The following ADAMTSL1 variants were observed in gnomAD, a reference collection of about 807,000 sequenced individuals.
The protein encoded by ADAMTSL1 is ADAMTS like 1.
A neutral mutation model predicts 201.8 loss-of-function variants in ADAMTSL1; 126 were observed. The observed-to-expected ratio is 0.62, with a 90% confidence interval of 0.54 to 0.72. The LOEUF (loss-of-function observed/expected upper bound fraction) is 0.72, where lower values mean the gene tolerates loss of function less well. ADAMTSL1 is among the 30% of genes least tolerant of loss of function. The pLI is 0.00. For synonymous variants in ADAMTSL1, 1,121 were observed against 903.4 expected (o/e 1.24, Z -4.32); for missense variants, 2,679 against 2,277.8 (o/e 1.18, Z -3.59).
chr9:18,265,945 G>A (rs913441947), intron 2 of ADAMTSL1, among the ~76,000 whole-genome samples: 3 of 152,066 alleles, frequency 2.0e-5, no homozygotes, highest in Non-Finnish European at 2.9e-5. Flanking sequence ...TGCCAACAGG[G>A]ACATTTACTA....
intron 23 of ADAMTSL1, among the ~76,000 whole-genome samples, chr9:18,864,627 G>A (rs1389943087): frequency 6.6e-6 from 1 of 152,204 alleles, no homozygotes; most frequent in Non-Finnish European, 1.5e-5. Flanking sequence ...TGAAGCCAGA[G>A]ATGCCAGGGC....
chr9:18,728,411 C>G (rs1818026259), intron 15 of ADAMTSL1, among the ~76,000 whole-genome samples: 1 of 152,052 alleles, frequency 6.6e-6, no homozygotes, highest in Non-Finnish European at 1.5e-5. Flanking sequence ...TTAACGTTAA[C>G]TTTCTGCACA....
chr9:18,029,145 C>T (rs1820822659), intron 1 of ADAMTSL1, among the ~76,000 whole-genome samples: 1 of 152,134 alleles, frequency 6.6e-6, no homozygotes, highest in Non-Finnish European at 1.5e-5. Flanking sequence ...TGCTTATCAG[C>T]TTAAGGAGAT....
chr9:18,472,031 C>T (rs938603954), upstream of ADAMTSL1, among the ~76,000 whole-genome samples: 1 of 152,030 alleles, frequency 6.6e-6, no homozygotes, highest in Non-Finnish European at 1.5e-5. Flanking sequence ...CCTATTCTTC[C>T]CTTTGGATCT....
At chr9:18,283,785 G>A (rs1188132112) in intron 2 of ADAMTSL1, among the ~76,000 whole-genome samples, 8 of 149,660 alleles carry the variant, frequency 5.3e-5, no homozygotes, top group Admixed American at 1.3e-4. Context: ...GGTGGCGGGC[G>A]CCTGTAGTCC....
At chr9:18,354,074 T>C (rs905433992) in intron 2 of ADAMTSL1, among the ~76,000 whole-genome samples, 11 of 148,320 alleles carry the variant, frequency 7.4e-5, no homozygotes, top group African/African-American at 2.4e-4. Flanking sequence ...TATATACCTA[T>C]AAATTTTGAT....
intron 23 of ADAMTSL1, among the ~76,000 whole-genome samples, chr9:18,866,904 C>G (rs1293786533): frequency 6.6e-6 from 1 of 152,160 alleles, no homozygotes; most frequent in Non-Finnish European, 1.5e-5. Flanking sequence ...CCTTATCCAC[C>G]TAGGCCAGGA....
chr9:18,086,259 C>T (rs1479160125), intron 1 of ADAMTSL1, among the ~76,000 whole-genome samples: 3 of 152,038 alleles, frequency 2.0e-5, no homozygotes, highest in Admixed American at 6.6e-5. Context: ...GACAGACCTC[C>T]CAGAGACAGG....
At chr9:18,116,678 T>A (rs193179737) in intron 1 of ADAMTSL1, among the ~76,000 whole-genome samples, 1 of 152,286 alleles carries the variant, frequency 6.6e-6, no homozygotes, top group Admixed American at 6.5e-5. Flanking sequence ...TTTATTAAAA[T>A]TTTCTTTTTC....
chr9:18,840,250 A>G (rs1031295034), intron 23 of ADAMTSL1, among the ~76,000 whole-genome samples: 4 of 152,104 alleles, frequency 2.6e-5, no homozygotes, highest in East Asian at 1.9e-4. Context: ...AGCTTTCTAC[A>G]TATGGCTAGC....
intron 2 of ADAMTSL1, among the ~76,000 whole-genome samples, chr9:18,359,171 T>G (rs1437116653): frequency 6.6e-6 from 1 of 152,176 alleles, no homozygotes; most frequent in Non-Finnish European, 1.5e-5. Flanking sequence ...GAAGTGACTT[T>G]TTTAGTACAA....
chr9:18,519,233 C>T (rs750633866), intron 2 of ADAMTSL1, among the ~76,000 whole-genome samples: 3 of 152,188 alleles, frequency 2.0e-5, no homozygotes, highest in Non-Finnish European at 4.4e-5. Context: ...GTGTTATGGT[C>T]TCAGGTTTTA....
intron 2 of ADAMTSL1, among the ~76,000 whole-genome samples, chr9:18,306,970 A>G (rs1219853303): frequency 6.6e-6 from 1 of 152,238 alleles, no homozygotes; most frequent in Non-Finnish European, 1.5e-5. Context: ...CACAAAGGGA[A>G]GCCCACCAGA....
chr9:18,198,921 A>G (rs1189620102), intron 2 of ADAMTSL1, among the ~76,000 whole-genome samples: 4 of 142,036 alleles, frequency 2.8e-5, no homozygotes, highest in African/African-American at 1.0e-4. Flanking sequence ...ATGGAATACT[A>G]TGCAGCCATA....
chr9:18,160,993 T>C (rs578243562), intron 1 of ADAMTSL1, among the ~76,000 whole-genome samples: 58 of 151,930 alleles, frequency 3.8e-4, no homozygotes, highest in African/African-American at 1.3e-3. Context: ...TGGCCAGGAT[T>C]AAATAGAATT....
At chr9:18,214,732 G>A (rs912016368) in intron 2 of ADAMTSL1, among the ~76,000 whole-genome samples, 4 of 152,096 alleles carry the variant, frequency 2.6e-5, no homozygotes, top group African/African-American at 9.7e-5. Flanking sequence ...TCAAAGTAGA[G>A]TTACTTCATT....
At chr9:18,569,536 A>T (rs1378334988) in intron 3 of ADAMTSL1, among the ~76,000 whole-genome samples, 1 of 152,190 alleles carries the variant, frequency 6.6e-6, no homozygotes, top group African/African-American at 2.4e-5. Context: ...CAAGAAAAAA[A>T]GTCTTAGATT....
rs140852930 is a variant in ADAMTSL1 at position 18,078,152 on chromosome 9, G to A, written c.88-85710G>A. Among the ~76,000 whole-genome samples, 213 of 152,268 alleles carry A rather than the reference G, an allele frequency of 1.4e-3. 3 individuals carry two copies. Among genetic ancestry groups the A allele is most frequent in the African/African-American group, 5.0e-3 (208 of 41,552 alleles). ...GAGCCCATTTGGGGCTTGTGAGCAC[G>A]GAGTTCAAGTGAAACCAGTTTAATC... On this transcript the variant is annotated intron_variant, in intron 1 of 29. Transcript: ENST00000680146.
chr9:18,155,968 G>C (rs1450083452), intron 1 of ADAMTSL1, among the ~76,000 whole-genome samples: 2 of 152,056 alleles, frequency 1.3e-5, no homozygotes, highest in South Asian at 2.1e-4. Context: ...CAGTGCATCA[G>C]ACGGAATGCA....
Sources: allele counts gnomAD v4.1 joint callset (sites outside exome capture counted in the v4.1 genomes callset), GRCh38; gene constraint gnomAD v4.1.1; transcripts MANE v1.5; gene names NCBI Gene and HGNC (gene_info 2026-07-23, HGNC 2026-07-21).